The following LEKR1 variants were observed in gnomAD, a reference collection of about 807,000 sequenced individuals.
LEKR1 encodes leucine, glutamate and lysine rich 1, also known as protein LEKR1.
In LEKR1, 59 loss-of-function variants were observed where a neutral mutation model predicts 72.4. That is an observed-to-expected ratio of 0.82 (90% confidence interval 0.66 to 1.01). The LOEUF (loss-of-function observed/expected upper bound fraction) is 1.01. Ranked by LOEUF, LEKR1 falls within the 50% of genes least tolerant of loss-of-function variation. The pLI, the probability that LEKR1 is intolerant of heterozygous loss-of-function variation, is 0.00. For synonymous variants in LEKR1, 257 were observed against 263.2 expected (o/e 0.98, Z 0.23); for missense variants, 728 against 759.2 (o/e 0.96, Z 0.48).
At chr3:156,886,768 T>C (rs533821601) in intron 3 of LEKR1, among the ~76,000 whole-genome samples, 6 of 152,380 alleles carry the variant, frequency 3.9e-5, no homozygotes, top group African/African-American at 1.2e-4. Context: ...CTTCACACTT[T>C]GGCAACTCAG....
intron 12 of LEKR1, among the ~76,000 whole-genome samples, chr3:157,035,211 G>C (rs1734876567): frequency 6.6e-6 from 1 of 151,994 alleles, no homozygotes; most frequent in Admixed American, 6.6e-5. Context: ...TTTCTTTATT[G>C]CAATATTTGC....
chr3:156,903,358 A>C (rs150853227), intron 3 of LEKR1, among the ~76,000 whole-genome samples: 1 of 151,844 alleles, frequency 6.6e-6, no homozygotes, highest in East Asian at 1.9e-4. Flanking sequence ...ATTTCCCTTA[A>C]TTCCATATTT....
intron 3 of LEKR1, among the ~76,000 whole-genome samples, chr3:156,908,330 A>G (rs1005072734): frequency 6.6e-5 from 10 of 152,006 alleles, no homozygotes; most frequent in Non-Finnish European, 1.2e-4. Context: ...TGCAGTGGCT[A>G]TTATTGTACA....
At chr3:156,843,793 A>G (rs1012322451) in intron 2 of LEKR1, among the ~76,000 whole-genome samples, 1 of 151,956 alleles carries the variant, frequency 6.6e-6, no homozygotes, top group Non-Finnish European at 1.5e-5. Flanking sequence ...TGGTCATACA[A>G]ATGTTAGACC....
chr3:156,827,960 C>A (rs1711858876), intron 1 of LEKR1, among the ~76,000 whole-genome samples: 1 of 152,180 alleles, frequency 6.6e-6, no homozygotes, highest in South Asian at 2.1e-4. Context: ...GGCAAATCCA[C>A]CATTAAATGA....
intron 4 of LEKR1, among the ~76,000 whole-genome samples, chr3:156,922,792 T>G (rs762885765): frequency 6.6e-6 from 1 of 152,182 alleles, no homozygotes; most frequent in African/African-American, 2.4e-5. Context: ...AATATAGATA[T>G]ATTTCACCTC....
intron 6 of LEKR1, among the ~76,000 whole-genome samples, chr3:156,946,779 A>G (rs1726721273): frequency 6.6e-6 from 1 of 151,112 alleles, no homozygotes. Flanking sequence ...CTTCCCTTTT[A>G]TTATTGGCCT....
intron 3 of LEKR1, among the ~76,000 whole-genome samples, chr3:156,873,863 C>A (rs1426075192): frequency 1.3e-5 from 2 of 151,992 alleles, no homozygotes; most frequent in Non-Finnish European, 2.9e-5. Flanking sequence ...GCTGAGAAAT[C>A]TGCTATTAGT....
At chr3:156,931,658 G>A (rs1725236792) in intron 5 of LEKR1, among the ~76,000 whole-genome samples, 1 of 152,146 alleles carries the variant, frequency 6.6e-6, no homozygotes, top group Admixed American at 6.6e-5. Flanking sequence ...AATATATTCA[G>A]TGGGATATAT....
chr3:156,864,542 C>T (rs975330611), intron 3 of LEKR1, among the ~76,000 whole-genome samples: 1 of 152,014 alleles, frequency 6.6e-6, no homozygotes, highest in Non-Finnish European at 1.5e-5. Flanking sequence ...CCTTTTCTTG[C>T]CATTCTTACT....
chr3:157,041,750 A>G (rs546177229), intron 12 of LEKR1, among the ~76,000 whole-genome samples: 60 of 152,058 alleles, frequency 3.9e-4, no homozygotes, highest in Non-Finnish European at 7.5e-4. Context: ...TTTATCTAAA[A>G]CATAGAATAT....
chr3:156,901,208 A>G (rs1412607502), intron 3 of LEKR1, among the ~76,000 whole-genome samples: 19 of 151,380 alleles, frequency 1.3e-4, no homozygotes, highest in Admixed American at 1.3e-3. Context: ...ACTGCAGACA[A>G]CGTCATTCCT....
chr3:157,000,740 T>A (rs1194825647), intron 9 of LEKR1, among the ~76,000 whole-genome samples: 1 of 152,228 alleles, frequency 6.6e-6, no homozygotes, highest in Non-Finnish European at 1.5e-5. Flanking sequence ...CTCATACAGT[T>A]GTAAAGATTA....
At chr3:156,904,916 T>C (rs1486267790) in intron 3 of LEKR1, among the ~76,000 whole-genome samples, 1 of 152,038 alleles carries the variant, frequency 6.6e-6, no homozygotes, top group Non-Finnish European at 1.5e-5. Flanking sequence ...GATCTATTAT[T>C]TTAATAGACT....
At chr3:156,915,652 GC>G (rs1723563997) in intron 3 of LEKR1, among the ~76,000 whole-genome samples, 1 of 151,672 alleles carries the variant, frequency 6.6e-6, no homozygotes, top group South Asian at 2.1e-4. Context: ...TATACATGCT[GC>G]ATATCGGGCC....
At chr3:156,986,530 A>T in intron 7 of LEKR1, among the ~76,000 whole-genome samples, 1 of 152,214 alleles carries the variant, frequency 6.6e-6, no homozygotes, top group East Asian at 1.9e-4. Flanking sequence ...GGGAGCAAGA[A>T]GACTGGAAGT....
chr3:157,032,231 G>A lies in LEKR1; in HGVS notation c.1668+3829G>A, dbSNP rs183887986. On this transcript the variant is annotated intron_variant, in intron 12 of 12. Transcript: ENST00000356539. ...TCAAGACAGTGTGACCCCCTATTACGGACCTTGTTGTGATCCAGAGGAAGA... is the reference window on the plus strand; with the variant it reads ...TCAAGACAGTGTGACCCCCTATTACAGACCTTGTTGTGATCCAGAGGAAGA... 3.7e-4 allele frequency among the ~76,000 whole-genome samples: 56 copies of A among 152,166 alleles called. 1 individual carries two copies. The East Asian group carries it at 4.8e-3, about 13-fold the overall frequency.
At chr3:156,838,170 T>A (rs1331203512) in intron 2 of LEKR1, among the ~76,000 whole-genome samples, 1 of 152,156 alleles carries the variant, frequency 6.6e-6, no homozygotes, top group East Asian at 1.9e-4. Flanking sequence ...AACCAGGAGT[T>A]TCAACAGGTG....
At chr3:156,908,739 A>AT (rs1433284303) in intron 3 of LEKR1, among the ~76,000 whole-genome samples, 1 of 151,672 alleles carries the variant, frequency 6.6e-6, no homozygotes, top group Non-Finnish European at 1.5e-5. Flanking sequence ...GCATCTGGGG[A>AT]TTGGGTATGT....
Sources: gnomAD v4.1 joint callset for allele counts (sites outside exome capture counted in the v4.1 genomes callset) on GRCh38, gnomAD v4.1.1 for gene constraint, MANE v1.5 for transcripts, NCBI Gene and HGNC (gene_info 2026-07-23, HGNC 2026-07-21) for gene names.